The following CDH4 variants were observed in gnomAD, a reference collection of about 807,000 sequenced individuals.
The protein encoded by CDH4 is cadherin-4.
In CDH4, 33 loss-of-function variants were observed where a neutral mutation model predicts 86.0. That is an observed-to-expected ratio of 0.38 (90% CI 0.29 to 0.51). The LOEUF is 0.51. Ranked by LOEUF, CDH4 falls within the 20% of genes least tolerant of loss-of-function variation. The pLI is 0.86. For missense variants in CDH4, 1,114 were observed against 1,307.4 expected (o/e 0.85, Z 2.28); for synonymous variants, 555 against 549.4 (o/e 1.01, Z -0.14).
chr20:61,815,486 C>T (rs990165681), intron 4 of CDH4, among the ~76,000 whole-genome samples: 2 of 152,220 alleles, frequency 1.3e-5, no homozygotes, highest in South Asian at 4.1e-4. Flanking sequence ...CACATCGGCC[C>T]AGGGAGGCTC....
At chr20:61,382,196 A>G (rs1402943190) in intron 2 of CDH4, among the ~76,000 whole-genome samples, 2 of 152,256 alleles carry the variant, frequency 1.3e-5, no homozygotes, top group Non-Finnish European at 2.9e-5. Flanking sequence ...CTTAAACGTA[A>G]AAATAAGAAA....
chr20:61,601,947 G>A (rs909747711), intron 2 of CDH4, among the ~76,000 whole-genome samples: 4 of 152,222 alleles, frequency 2.6e-5, no homozygotes, highest in Non-Finnish European at 5.9e-5. Context: ...GGAGGGAGGA[G>A]AATGGCAGGA....
intron 2 of CDH4, among the ~76,000 whole-genome samples, chr20:61,371,478 A>C (rs534239194): frequency 9.8e-5 from 15 of 152,348 alleles, no homozygotes; most frequent in Non-Finnish European, 8.8e-5. Context: ...TCTCAGTGCC[A>C]TCGGGAAAAG....
At chr20:61,809,243 C>T (rs558389859) in intron 4 of CDH4, among the ~76,000 whole-genome samples, 1 of 151,988 alleles carries the variant, frequency 6.6e-6, no homozygotes, top group Non-Finnish European at 1.5e-5. Flanking sequence ...ATGGTGGTCC[C>T]GGGGATGGTC....
At chr20:61,286,413 A>G (rs2084293588) in intron 2 of CDH4, among the ~76,000 whole-genome samples, 1 of 152,162 alleles carries the variant, frequency 6.6e-6, no homozygotes. Flanking sequence ...ATGTGACCCC[A>G]TGGAACCTGC....
Position 61,764,880 on chromosome 20 carries a change from C to T in CDH4, c.397-8123C>T, listed in dbSNP as rs370000489. 2.6e-5 allele frequency among the ~76,000 whole-genome samples: 4 copies of T among 152,328 alleles called. No homozygotes were observed. The South Asian group carries it at 6.2e-4, about 24-fold the overall frequency. On this transcript the variant is annotated intron_variant, in intron 3 of 15. Coordinates refer to ENST00000614565, the MANE Select transcript of CDH4 (RefSeq NM_001794.5). The stretch of plus-strand genomic sequence containing the variant: ...GGTCGCAGGGCCCAGCACTAGGACC[C>T]GTGCCTGGAGGCTTCTGCTGCTGCC...
At chr20:61,628,678 C>T (rs1047701995) in intron 2 of CDH4, among the ~76,000 whole-genome samples, 4 of 152,196 alleles carry the variant, frequency 2.6e-5, no homozygotes, top group East Asian at 1.9e-4. Flanking sequence ...CCCCGCCCAG[C>T]GGGTCTGTTG....
intron 2 of CDH4, among the ~76,000 whole-genome samples, chr20:61,596,991 A>G (rs2086561644): frequency 3.3e-5 from 5 of 152,228 alleles, no homozygotes; most frequent in Admixed American, 1.3e-4. Context: ...GTGAGGTAGG[A>G]GCATCTTTAT....
chr20:61,583,153 A>AG (rs1484922767), intron 2 of CDH4, among the ~76,000 whole-genome samples: 2 of 60,786 alleles, frequency 3.3e-5, no homozygotes, highest in Non-Finnish European at 6.1e-5. Context: ...GGCTCTGCGG[A>AG]GGGACAGAGG....
At chr20:61,677,727 G>A (rs779898170) in intron 2 of CDH4, among the ~76,000 whole-genome samples, 29 of 151,644 alleles carry the variant, frequency 1.9e-4, no homozygotes, top group East Asian at 5.8e-4. Flanking sequence ...TAGAAGATAG[G>A]CAGGTAGGCA....
chr20:61,691,791 C>T (rs115014691), intron 2 of CDH4, among the ~76,000 whole-genome samples: 3,307 of 152,304 alleles, frequency 0.022, 110 homozygotes, highest in African/African-American at 0.076. Flanking sequence ...TCTGATCCCA[C>T]GGGCCCACCA....
At chr20:61,640,994 G>T (rs1277063354) in intron 2 of CDH4, among the ~76,000 whole-genome samples, 1 of 152,170 alleles carries the variant, frequency 6.6e-6, no homozygotes, top group African/African-American at 2.4e-5. Flanking sequence ...GGTAGCTGGT[G>T]GCTACGTTTG....
chr20:61,835,693 G>T (rs1981839869), intron 4 of CDH4, among the ~76,000 whole-genome samples: 1 of 152,206 alleles, frequency 6.6e-6, no homozygotes, highest in South Asian at 2.1e-4. Context: ...TGGTTCTAGG[G>T]GCTCTCCCTA....
intron 2 of CDH4, among the ~76,000 whole-genome samples, chr20:61,255,908 G>A (rs1439433816): frequency 1.3e-5 from 2 of 152,090 alleles, no homozygotes; most frequent in Non-Finnish European, 2.9e-5. Context: ...CTGGTTATGT[G>A]GATAGGATTT....
At chr20:61,838,271 G>A (rs1162543668) in intron 4 of CDH4, among the ~76,000 whole-genome samples, 1 of 152,124 alleles carries the variant, frequency 6.6e-6, no homozygotes, top group Non-Finnish European at 1.5e-5. Context: ...GCAGCCCCGT[G>A]TGTGTTCCCA....
rs1315766842 is a variant in CDH4 at position 61,417,321 on chromosome 20, C to G, written c.169+162384C>G. 6.6e-6 allele frequency among the ~76,000 whole-genome samples: 1 copy of G among 151,948 alleles called. No individual in the cohort carries two copies. The highest frequency in any genetic ancestry group is 2.4e-5 in the African/African-American group (1 of 41,348). Reference sequence around the variant, plus strand: ...TCCATCTCCCTCTCCCTCCCTCTACCTCTCTTCTCTCTCCCCTCACCCCTA... The same window carrying G: ...TCCATCTCCCTCTCCCTCCCTCTACGTCTCTTCTCTCTCCCCTCACCCCTA... On this transcript the variant is annotated intron_variant, in intron 2 of 15. Transcript: ENST00000614565. The surrounding 1 kb of genome is among the most constrained non-coding windows in gnomAD (Gnocchi z 4.0).
At position 61,501,190 on chromosome 20, in the gene CDH4, G is replaced by A. The variant is rs1393454749; in HGVS notation, c.170-242373G>A. Among the ~76,000 whole-genome samples, 1 of 152,210 alleles carries A rather than the reference G, an allele frequency of 6.6e-6. No individual in the cohort carries two copies. The highest frequency in any genetic ancestry group is 6.5e-5 in the Admixed American group (1 of 15,286). ...CTACAATAGACTCAGGCTGGGGGAG[G>A]TGGCGCTGCCATCCGCCATCTCCAG... is the stretch of plus-strand genomic sequence containing the variant. On this transcript the variant is annotated intron_variant, in intron 2 of 15. Transcript: ENST00000614565. This position sits in a 1 kb window ranked among gnomAD's most constrained non-coding sequence, Gnocchi z 4.2.
At chr20:61,598,577 A>G (rs2086574398) in intron 2 of CDH4, among the ~76,000 whole-genome samples, 1 of 152,146 alleles carries the variant, frequency 6.6e-6, no homozygotes, top group East Asian at 1.9e-4. Flanking sequence ...TAAGGTGTGG[A>G]GATACCCCTT....
At chr20:61,560,251 C>T (rs1355401501) in intron 2 of CDH4, among the ~76,000 whole-genome samples, 2 of 152,104 alleles carry the variant, frequency 1.3e-5, no homozygotes, top group Non-Finnish European at 1.5e-5. Flanking sequence ...TTAAAGAGCA[C>T]GTGACTTTTT....
Sources: allele counts gnomAD v4.1 joint callset (sites outside exome capture counted in the v4.1 genomes callset), GRCh38; gene constraint gnomAD v4.1.1; non-coding constraint Gnocchi (gnomAD v3.1); transcripts MANE v1.5; gene names NCBI Gene and HGNC (gene_info 2026-07-23, HGNC 2026-07-21).